Variants in FMN1 observed in about 807,000 individuals in gnomAD.
FMN1 encodes formin-1.
In FMN1, 110 loss-of-function variants were observed where a neutral mutation model predicts 132.4. That is an observed-to-expected ratio of 0.83 (90% CI 0.71 to 0.97). The LOEUF (loss-of-function observed/expected upper bound fraction) is 0.97. FMN1 is among the 50% of genes least tolerant of loss of function. The probability of loss-of-function intolerance (pLI) is 0.00; values close to 1 mark genes in which losing one functional copy is unlikely to be tolerated. For synonymous variants in FMN1, 722 were observed against 651.7 expected (o/e 1.11, Z -1.64); for missense variants, 1,792 against 1,705.3 (o/e 1.05, Z -0.90).
chr15:33,024,281 C>T (rs997709613), intron 6 of FMN1, among the ~76,000 whole-genome samples: 1 of 121,262 alleles, frequency 8.2e-6, no homozygotes, highest in Non-Finnish European at 1.6e-5. Flanking sequence ...GAGTCTCGCT[C>T]TGTCGCCCAG....
At chr15:33,190,558 G>A (rs148111608) in intron 2 of FMN1, among the ~76,000 whole-genome samples, 3 of 152,242 alleles carry the variant, frequency 2.0e-5, no homozygotes, top group East Asian at 1.9e-4. Flanking sequence ...AGATACTCAC[G>A]TGGGGGAAAA....
chr15:33,124,289 T>C (rs149948540), intron 4 of FMN1, among the ~76,000 whole-genome samples: 1 of 152,348 alleles, frequency 6.6e-6, no homozygotes, highest in African/African-American at 2.4e-5. Flanking sequence ...GTAGAAAAGT[T>C]CTGAGACATA....
chr15:32,870,674 G>C (rs1466428203), intron 16 of FMN1, among the ~76,000 whole-genome samples: 1 of 152,196 alleles, frequency 6.6e-6, no homozygotes, highest in Non-Finnish European at 1.5e-5. Context: ...GCCTCGGTCT[G>C]CGAGACATTA....
chr15:32,798,874 C>A lies in FMN1; in HGVS notation c.4060G>T (p.Val1354Leu), dbSNP rs1567184225. 6.2e-7 allele frequency: 1 copy of A among 1,613,674 alleles called. No homozygotes were observed. Among genetic ancestry groups the A allele is most frequent in the East Asian group, 2.2e-5 (1 of 44,880 alleles). ...AAGTCACTGCAGAACTCATACCACA[C>A]CATAAACACGTAGCTGGGTGTGATC... is the stretch of plus-strand genomic sequence containing the variant. The part of the protein sequence containing the change: ...KEITPSYVFM[V>L]WYEFCSDFKT... Residue 1354 changes from valine to leucine, a missense_variant, in exon 19 of 21, where the codon GTG (valine) becomes TTG (leucine). Around this residue, in one of 3 missense-constraint regions of FMN1, gnomAD observed 1,150 missense variants for 1,043.1 expected, o/e 1.10. Transcript: ENST00000616417.
intron 19 of FMN1, among the ~76,000 whole-genome samples, chr15:32,786,744 G>A (rs1168706011): frequency 6.6e-6 from 1 of 152,180 alleles, no homozygotes; most frequent in Non-Finnish European, 1.5e-5. Context: ...AAACATAGAT[G>A]GTATTAACGC....
intron 17 of FMN1, among the ~76,000 whole-genome samples, chr15:32,833,860 A>G (rs2058563029): frequency 1.3e-5 from 2 of 152,220 alleles, no homozygotes; most frequent in Non-Finnish European, 2.9e-5. Flanking sequence ...GAATGTGGGC[A>G]TATTCATTTA....
At position 32,772,052 on chromosome 15, in the gene FMN1, C is replaced by T. The variant is rs985207683; in HGVS notation, c.*2258G>A. Reference sequence around the variant, plus strand: ...GACAAAACCACTAGGTTTCCCCAACCGAGGCAGGCAAACCTTGCTTTGTAG... The same window carrying T: ...GACAAAACCACTAGGTTTCCCCAACTGAGGCAGGCAAACCTTGCTTTGTAG... On this transcript the variant is annotated 3_prime_UTR_variant, in exon 21 of 21. Transcript: ENST00000616417. 1.3e-5 allele frequency: 2 copies of T among 152,124 alleles called. No homozygotes were observed. Among genetic ancestry groups the T allele is most frequent in the African/African-American group, 4.8e-5 (2 of 41,414 alleles). 9.4% of individuals were successfully genotyped at this position (152,124 alleles called of 1,614,324 possible). A position where few individuals can be genotyped will look rare whatever the true frequency, so the allele number is the denominator to read the frequency against.
intron 17 of FMN1, among the ~76,000 whole-genome samples, chr15:32,818,588 T>A (rs1362873595): frequency 6.6e-6 from 1 of 152,232 alleles, no homozygotes; most frequent in Non-Finnish European, 1.5e-5. Flanking sequence ...CAGTGCATTT[T>A]AAAATAGTGT....
intron 6 of FMN1, among the ~76,000 whole-genome samples, chr15:33,053,682 A>C (rs768788197): frequency 6.6e-6 from 1 of 152,140 alleles, no homozygotes; most frequent in Non-Finnish European, 1.5e-5. Flanking sequence ...CCTAAAAAAA[A>C]AATGCTGTCT....
At chr15:32,824,416 G>C (rs2058314167) in intron 17 of FMN1, among the ~76,000 whole-genome samples, 1 of 152,134 alleles carries the variant, frequency 6.6e-6, no homozygotes, top group Non-Finnish European at 1.5e-5. Context: ...AACATTTTCA[G>C]AAACAGTATT....
intron 7 of FMN1, among the ~76,000 whole-genome samples, chr15:32,998,780 A>T (rs1324628329): frequency 6.6e-6 from 1 of 152,194 alleles, no homozygotes; most frequent in Non-Finnish European, 1.5e-5. Context: ...GAAATGATTG[A>T]AGGCTGATGG....
chr15:32,956,477 T>G (rs1471355728), intron 9 of FMN1, among the ~76,000 whole-genome samples: 4 of 152,076 alleles, frequency 2.6e-5, no homozygotes, highest in Admixed American at 2.6e-4. Flanking sequence ...GTCATGGAGC[T>G]CCTGTTTCCT....
chr15:33,103,609 G>T (rs1377305219), intron 4 of FMN1, among the ~76,000 whole-genome samples: 1 of 152,036 alleles, frequency 6.6e-6, no homozygotes, highest in Non-Finnish European at 1.5e-5. Flanking sequence ...TGAAATATTT[G>T]AAATGTTGTT....
Position 33,066,654 on chromosome 15 carries a change from G to A in FMN1, c.2044-1580C>T, listed in dbSNP as rs372474008. On this transcript the variant is annotated intron_variant, in intron 5 of 20. Transcript: ENST00000616417. Reference sequence around the variant, plus strand: ...GCTGTGGTCCCCTTTCTGGGGGGCCGGATGAATAGGGCTTTAAAAGCCTCC... The same window carrying A: ...GCTGTGGTCCCCTTTCTGGGGGGCCAGATGAATAGGGCTTTAAAAGCCTCC... The A allele has an allele frequency of 4.6e-5, 74 of 1,613,636 alleles. No individual in the cohort carries two copies. The highest frequency in any genetic ancestry group is 5.9e-5 in the Non-Finnish European group (70 of 1,179,852).
chr15:33,095,566 T>A (rs1449454100), intron 4 of FMN1, among the ~76,000 whole-genome samples: 1 of 152,050 alleles, frequency 6.6e-6, no homozygotes, highest in Non-Finnish European at 1.5e-5. Flanking sequence ...GGCTAGTTTT[T>A]AATTTTTTTT....
chr15:33,005,007 G>A (rs1013460379), intron 7 of FMN1, among the ~76,000 whole-genome samples: 2 of 152,116 alleles, frequency 1.3e-5, no homozygotes, highest in Admixed American at 6.5e-5. Flanking sequence ...CGTGGACACA[G>A]GAACGGGAAC....
intron 10 of FMN1, among the ~76,000 whole-genome samples, chr15:32,914,258 T>C (rs1261505721): frequency 6.6e-6 from 1 of 152,188 alleles, no homozygotes; most frequent in Non-Finnish European, 1.5e-5. Context: ...AGGCAGACAC[T>C]GAAAACACTA....
chr15:33,119,861 G>C (rs893504765), intron 4 of FMN1, among the ~76,000 whole-genome samples: 1 of 152,162 alleles, frequency 6.6e-6, no homozygotes, highest in Non-Finnish European at 1.5e-5. Context: ...GTTTAGCCTT[G>C]CATGTAAACT....
At chr15:32,911,615 T>A (rs1442008211) in intron 10 of FMN1, among the ~76,000 whole-genome samples, 1 of 152,156 alleles carries the variant, frequency 6.6e-6, no homozygotes, top group Non-Finnish European at 1.5e-5. Flanking sequence ...TTAACAAAGC[T>A]AAAATTAACT....
Sources: allele counts gnomAD v4.1 joint callset (sites outside exome capture counted in the v4.1 genomes callset), GRCh38; gene constraint gnomAD v4.1.1; regional missense constraint gnomAD v4.1.1; transcripts MANE v1.5; gene names NCBI Gene and HGNC (gene_info 2026-07-23, HGNC 2026-07-21).